Variants in TMCC1 observed in about 807,000 individuals in gnomAD.
The protein encoded by TMCC1 is transmembrane and coiled-coil domain family 1.
Under a neutral mutation model 52.4 loss-of-function variants are expected in TMCC1, and 15 were observed. The observed-to-expected ratio is 0.29, with a 90% CI of 0.19 to 0.44. The LOEUF is 0.44. TMCC1 is among the 20% of genes least tolerant of loss of function. The pLI is 1.00. For missense variants in TMCC1, 503 were observed against 806.0 expected (o/e 0.62, Z 4.55); for synonymous variants, 279 against 301.9 (o/e 0.92, Z 0.79).
intron 4 of TMCC1, among the ~76,000 whole-genome samples, chr3:129,700,019 T>C (rs1442715599): frequency 1.3e-5 from 2 of 152,182 alleles, no homozygotes; most frequent in African/African-American, 2.4e-5. Flanking sequence ...CTTCTCATCA[T>C]TGATGGAAGT....
chr3:129,838,016 C>T (rs747314583), intron 2 of TMCC1, among the ~76,000 whole-genome samples: 9 of 152,120 alleles, frequency 5.9e-5, no homozygotes, highest in Non-Finnish European at 1.2e-4. Flanking sequence ...ACAGCTGTGG[C>T]AGAAGTCCAG....
chr3:129,880,253 T>C (rs887179082), intron 2 of TMCC1, 56 bp downstream of exon 2: 1 of 152,194 alleles, frequency 6.6e-6, no homozygotes, highest in Non-Finnish European at 1.5e-5. Context: ...AATTATTTTA[T>C]ACTGTTCTGA....
intron 4 of TMCC1, chr3:129,794,428 A>T: frequency 2.2e-6 from 1 of 454,904 alleles, no homozygotes; most frequent in South Asian, 1.6e-5. Flanking sequence ...GCTTCTTGGG[A>T]AAGTCGGTGG....
At chr3:129,768,615 T>C (rs1156406096) in intron 4 of TMCC1, among the ~76,000 whole-genome samples, 1 of 152,168 alleles carries the variant, frequency 6.6e-6, no homozygotes, top group Non-Finnish European at 1.5e-5. Context: ...AAAACATGGA[T>C]CTGGTTTAGG....
At chr3:129,843,003 A>G (rs1235729747) in intron 2 of TMCC1, among the ~76,000 whole-genome samples, 1 of 152,170 alleles carries the variant, frequency 6.6e-6, no homozygotes, top group East Asian at 1.9e-4. Flanking sequence ...CCTAAAACCA[A>G]CAACCTAGGC....
At chr3:129,861,784 G>T (rs2060409590) in intron 2 of TMCC1, among the ~76,000 whole-genome samples, 1 of 152,182 alleles carries the variant, frequency 6.6e-6, no homozygotes. Flanking sequence ...GGCCCAAGCA[G>T]TTTGTTTTTG....
intron 4 of TMCC1, among the ~76,000 whole-genome samples, chr3:129,745,759 C>T (rs1342924212): frequency 2.0e-5 from 3 of 151,722 alleles, no homozygotes; most frequent in South Asian, 2.1e-4. Flanking sequence ...GTCAGGAGTT[C>T]GAGACCAGCC....
intron 4 of TMCC1, among the ~76,000 whole-genome samples, chr3:129,792,189 C>T (rs562922060): frequency 2.9e-5 from 4 of 139,862 alleles, no homozygotes; most frequent in Admixed American, 1.5e-4. Flanking sequence ...TATATATATA[C>T]ATATATATAT....
At chr3:129,864,075 G>C (rs1338167082) in intron 2 of TMCC1, among the ~76,000 whole-genome samples, 1 of 152,124 alleles carries the variant, frequency 6.6e-6, no homozygotes, top group Non-Finnish European at 1.5e-5. Context: ...ACCACCTCTT[G>C]CATCCTTGTG....
intron 2 of TMCC1, among the ~76,000 whole-genome samples, chr3:129,856,317 A>T (rs1332389009): frequency 6.6e-6 from 1 of 152,194 alleles, no homozygotes; most frequent in African/African-American, 2.4e-5. Flanking sequence ...CAGGTAGCGA[A>T]GGGACCTCCA....
intron 4 of TMCC1, among the ~76,000 whole-genome samples, chr3:129,751,751 G>C (rs1017258230): frequency 3.9e-5 from 6 of 152,062 alleles, no homozygotes; most frequent in Admixed American, 3.3e-4. Flanking sequence ...AGGAGACACA[G>C]GGTTTCACCA....
intron 5 of TMCC1, 123 bp from the exon 6 acceptor site, chr3:129,655,226 C>T (rs1048197314): frequency 8.8e-6 from 11 of 1,249,094 alleles, no homozygotes; most frequent in Middle Eastern, 2.3e-4. Flanking sequence ...ATTGAGTGGC[C>T]TGGGTTAACA....
intron 4 of TMCC1, among the ~76,000 whole-genome samples, chr3:129,794,747 GGGA>G (rs1049118295): frequency 6.6e-6 from 1 of 152,082 alleles, no homozygotes; most frequent in Non-Finnish European, 1.5e-5. Flanking sequence ...CGGTCTCTGT[GGGA>G]GGAGGAGTGG....
chr3:129,870,730 G>C (rs1405487408), intron 2 of TMCC1, among the ~76,000 whole-genome samples: 2 of 44,142 alleles, frequency 4.5e-5, no homozygotes, highest in Non-Finnish European at 6.9e-5. Context: ...GGGGGGGGGG[G>C]GGGGGGGCGA....
chr3:129,840,962 A>G (rs2059398972), intron 2 of TMCC1, among the ~76,000 whole-genome samples: 1 of 152,196 alleles, frequency 6.6e-6, no homozygotes, highest in Non-Finnish European at 1.5e-5. Flanking sequence ...TAACAGACAG[A>G]GGCTGGAAAA....
intron 5 of TMCC1, among the ~76,000 whole-genome samples, chr3:129,659,721 C>T (rs2086899544): frequency 6.6e-6 from 1 of 152,156 alleles, no homozygotes; most frequent in Admixed American, 6.5e-5. Flanking sequence ...TTTGGTTCAT[C>T]CCATATTATG....
chr3:129,671,413 C>G (rs1406911040), intron 4 of TMCC1, 149 bp from the exon 5 acceptor site: 36 of 792,758 alleles, frequency 4.5e-5, no homozygotes, highest in Non-Finnish European at 7.0e-5. Flanking sequence ...CCAGCCCTGT[C>G]TCCCTCTTAC....
intron 2 of TMCC1, among the ~76,000 whole-genome samples, chr3:129,846,494 C>A (rs2059670644): frequency 6.6e-6 from 1 of 152,140 alleles, no homozygotes; most frequent in South Asian, 2.1e-4. Flanking sequence ...TTCAACAGTT[C>A]TATTCTTAAA....
intron 4 of TMCC1, among the ~76,000 whole-genome samples, chr3:129,760,902 G>T (rs1391660572): frequency 6.6e-6 from 1 of 152,124 alleles, no homozygotes; most frequent in Non-Finnish European, 1.5e-5. Flanking sequence ...GTGAGCCACT[G>T]CACCCAGCCC....
Sources: gnomAD v4.1 joint callset for allele counts (sites outside exome capture counted in the v4.1 genomes callset) on GRCh38, gnomAD v4.1.1 for gene constraint, MANE v1.5 for transcripts, NCBI Gene and HGNC (gene_info 2026-07-23, HGNC 2026-07-21) for gene names.